TSPAN8: variants seen among roughly 807,000 people sequenced by gnomAD.
TSPAN8 encodes the protein tetraspanin 8, also known as tetraspanin-8.
A neutral mutation model predicts 32.8 loss-of-function variants in TSPAN8; 21 were observed. The ratio of observed to expected loss-of-function variants is 0.64; its 90% confidence interval spans 0.45 to 0.92. TSPAN8 has a LOEUF of 0.92. Among genes scored for constraint, TSPAN8 ranks in the 40% least tolerant of loss-of-function variants. The pLI is 0.00. For missense variants in TSPAN8, 269 were observed against 281.9 expected (o/e 0.95, Z 0.33); for synonymous variants, 95 against 94.6 (o/e 1.00, Z -0.03).
At chr12:71,130,062 C>A (rs890831907) in intron 7 of TSPAN8, among the ~76,000 whole-genome samples, 9 of 151,644 alleles carry the variant, frequency 5.9e-5, no homozygotes, top group Admixed American at 3.3e-4. Flanking sequence ...AAGTGATCCT[C>A]CCACCTAATC....
intron 8 of TSPAN8, among the ~76,000 whole-genome samples, chr12:71,127,513 A>G (rs1301383433): frequency 1.3e-5 from 2 of 152,200 alleles, no homozygotes; most frequent in Non-Finnish European, 2.9e-5. Flanking sequence ...GACTTCTCGA[A>G]TTCAAAAACG....
chr12:71,144,774 TA>T (rs35141322), intron 2 of TSPAN8, among the ~76,000 whole-genome samples: 1 of 152,138 alleles, frequency 6.6e-6, no homozygotes, highest in African/African-American at 2.4e-5. Flanking sequence ...TAAACTCTCT[TA>T]AAAACAAGCT....
chr12:71,156,277 A>C (rs1489307766), intron 2 of TSPAN8, among the ~76,000 whole-genome samples: 3 of 148,992 alleles, frequency 2.0e-5, no homozygotes, highest in Admixed American at 6.7e-5. Context: ...AACAAACAAA[A>C]AAAAAACTAG....
intron 2 of TSPAN8, 38 bp from the exon 3 acceptor site, chr12:71,144,251 A>C (rs1212610099): frequency 6.3e-7 from 1 of 1,585,442 alleles, no homozygotes; most frequent in Admixed American, 1.7e-5. Context: ...GAATACAATT[A>C]GGATCATATG....
chr12:71,155,274 A>G (rs1167015184), intron 2 of TSPAN8, among the ~76,000 whole-genome samples: 1 of 152,224 alleles, frequency 6.6e-6, no homozygotes, highest in Non-Finnish European at 1.5e-5. Context: ...GCACTTGACC[A>G]TCAATGGCTA....
Position 71,139,827 on chromosome 12 carries a change from C to A in TSPAN8, c.145G>T (p.Gly49Cys), listed in dbSNP as rs138595155. The A allele has an allele frequency of 1.1e-4, 177 of 1,610,778 alleles. No homozygotes were observed. The African/African-American group carries it at 2.2e-3, about 20-fold the overall frequency. The change falls in exon 4 of 9, where the codon GGC (glycine) becomes TGC (cysteine). Residue 49 changes from glycine to cysteine, a missense_variant. Coordinates refer to ENST00000247829, the MANE Select transcript of TSPAN8 (RefSeq NM_004616.3). The stretch of plus-strand genomic sequence containing the variant: ...TCCACAGCAACGTAGGAGCTAGAGC[C>A]TACATCTTCAGAACCAAAAATCTGA... ...SQAIFGSEDV[G>C]SSSYVAVDIL...
chr12:71,131,900 A>G (rs893761611), intron 7 of TSPAN8, among the ~76,000 whole-genome samples: 1 of 151,924 alleles, frequency 6.6e-6, no homozygotes, highest in South Asian at 2.1e-4. Context: ...GAAGTTGCCT[A>G]ACTATCTTTC....
intron 2 of TSPAN8, among the ~76,000 whole-genome samples, chr12:71,146,598 C>T (rs2137057585): frequency 6.6e-6 from 1 of 152,204 alleles, no homozygotes. Flanking sequence ...TCGTTAATAA[C>T]ATTGTAAAAG....
chr12:71,126,775 A>ATT (rs1429720871), intron 8 of TSPAN8, among the ~76,000 whole-genome samples: 1 of 148,888 alleles, frequency 6.7e-6, no homozygotes, highest in Non-Finnish European at 1.5e-5. Flanking sequence ...TTTTTTTTTA[A>ATT]TTAAAGCAAG....
chr12:71,128,748 A>G (rs1045834358), intron 8 of TSPAN8, among the ~76,000 whole-genome samples: 2 of 151,974 alleles, frequency 1.3e-5, no homozygotes, highest in African/African-American at 4.8e-5. Context: ...AAAGTAATAC[A>G]TAAGCCTCAA....
chr12:71,149,718 G>A (rs1872186874), intron 2 of TSPAN8, among the ~76,000 whole-genome samples: 1 of 152,200 alleles, frequency 6.6e-6, no homozygotes, highest in Non-Finnish European at 1.5e-5. Context: ...ATCTTCGTAA[G>A]CTGAGGATGT....
Position 71,139,729 on chromosome 12 carries a change from A to G in TSPAN8, c.243T>C (p.Ser81=). The change falls in exon 4 of 9, where the codon AGT becomes AGC. Residue 81 remains serine, a synonymous_variant. Transcript: ENST00000247829. The part of the protein sequence containing the change: ...FLGCCGAIKE[S]RCMLLLFFIG... ...AACTCACCAACAGAAGCATGCAGCG[A>G]CTTTCTTTTATAGCACCGCAGCATC... 2 of 1,613,786 alleles carry G rather than the reference A, an allele frequency of 1.2e-6. No individual in the cohort carries two copies. Among genetic ancestry groups the G allele is most frequent in the Non-Finnish European group, 1.7e-6 (2 of 1,179,810 alleles).
At chr12:71,142,649 A>G (rs1328138158) in intron 3 of TSPAN8, among the ~76,000 whole-genome samples, 6 of 152,166 alleles carry the variant, frequency 3.9e-5, no homozygotes, top group African/African-American at 7.2e-5. Flanking sequence ...GGTTATCAGT[A>G]GAAAACAATA....
Position 71,137,972 on chromosome 12 carries a change from A to G in TSPAN8, c.425T>C (p.Ile142Thr), listed in dbSNP as rs770339105. 6.2e-7 allele frequency: 1 copy of G among 1,613,534 alleles called. No homozygotes were observed. The highest frequency in any genetic ancestry group is 1.1e-5 in the South Asian group (1 of 90,912). ...AATTACCTCTTCTTGAAACACAATT[A>G]TGGCTTCCTGGAATTGTTTTTCACT... ...GESEKQFQEA[I>T]IVFQEEFKCC... Residue 142 changes from isoleucine (I) to threonine (T), a missense_variant, in exon 6 of 9, where the codon ATA (isoleucine) becomes ACA (threonine). Physicochemically the swap from Ile to Thr is moderately conservative, Grantham distance 89. Transcript: ENST00000247829.
intron 2 of TSPAN8, among the ~76,000 whole-genome samples, chr12:71,152,483 T>C (rs557641484): frequency 1.3e-5 from 2 of 152,308 alleles, no homozygotes; most frequent in South Asian, 2.1e-4. Context: ...CTTCTTTATA[T>C]ATATTAACTT....
Position 71,149,777 on chromosome 12 carries a change from T to C in TSPAN8, c.61-5564A>G, listed in dbSNP as rs146291213. On this transcript the variant is annotated intron_variant, in intron 2 of 8. Coordinates refer to ENST00000247829, the MANE Select transcript of TSPAN8 (RefSeq NM_004616.3). Reference sequence around the variant, plus strand: ...AATTGTGTTAACTGTATAAATTGATTGTAAAACATGTGCGTTTGAACAATA... The same window carrying C: ...AATTGTGTTAACTGTATAAATTGATCGTAAAACATGTGCGTTTGAACAATA... Among the ~76,000 whole-genome samples, 416 of 152,338 alleles carry C rather than the reference T, an allele frequency of 2.7e-3. 9 individuals are homozygous for C. The East Asian group carries it at 0.05, about 18-fold the overall frequency.
rs567542366 is a variant in TSPAN8 at position 71,147,646 on chromosome 12, C to G, written c.61-3433G>C. Among the ~76,000 whole-genome samples the G allele has an allele frequency of 2.0e-5, 3 of 152,224 alleles. No individual in the cohort carries two copies. The East Asian group carries it at 5.8e-4, about 29-fold the overall frequency. ...ACTGTTATTGTTCATTTTCAAGTTT[C>G]TTTTACTAAACATTTATTTAAAAGT... On this transcript the variant is annotated intron_variant, in intron 2 of 8. Transcript: ENST00000247829.
At chr12:71,148,212 T>C (rs1482044317) in intron 2 of TSPAN8, among the ~76,000 whole-genome samples, 2 of 152,220 alleles carry the variant, frequency 1.3e-5, no homozygotes, top group African/African-American at 4.8e-5. Context: ...TTTTTACTTA[T>C]ACCTTAATCA....
At chr12:71,145,268 T>C (rs1018931514) in intron 2 of TSPAN8, among the ~76,000 whole-genome samples, 1 of 152,102 alleles carries the variant, frequency 6.6e-6, no homozygotes, top group African/African-American at 2.4e-5. Context: ...TGAGTAACCA[T>C]AGACTCTGTG....
Sources: gnomAD v4.1 joint callset for allele counts (sites outside exome capture counted in the v4.1 genomes callset) on GRCh38, gnomAD v4.1.1 for gene constraint, MANE v1.5 for transcripts, NCBI Gene and HGNC (gene_info 2026-07-23, HGNC 2026-07-21) for gene names.